The following FRRS1 variants were observed in gnomAD, a reference collection of about 807,000 sequenced individuals.
FRRS1 encodes ferric chelate reductase 1.
A neutral mutation model predicts 70.7 loss-of-function variants in FRRS1; 51 were observed. The ratio of observed to expected loss-of-function variants is 0.72; its 90% CI spans 0.58 to 0.91. FRRS1 has a LOEUF of 0.91. Ranked by LOEUF, FRRS1 falls within the 40% of genes least tolerant of loss-of-function variation. FRRS1 has a pLI of 0.00. For synonymous variants in FRRS1, 225 were observed against 238.7 expected (o/e 0.94, Z 0.53); for missense variants, 672 against 726.0 (o/e 0.93, Z 0.86).
At chr1:99,741,943 G>T (rs577105853) in intron 5 of FRRS1, among the ~76,000 whole-genome samples, 11 of 152,370 alleles carry the variant, frequency 7.2e-5, no homozygotes, top group African/African-American at 2.6e-4. Flanking sequence ...TCCTACATGT[G>T]TGAATGTCCA....
In FRRS1 at chr1:99,707,285, T is replaced by A. The variant is rs2100891116; in HGVS notation, c.*1743A>T. ...AAATTTTTGAAAAATATTAATAAAATAAAGATGTAGGCTACATAGCTGAGG... is the reference window on the plus strand; with the variant it reads ...AAATTTTTGAAAAATATTAATAAAAAAAAGATGTAGGCTACATAGCTGAGG... On this transcript the variant is annotated 3_prime_UTR_variant, in exon 17 of 17. Transcript: ENST00000646001. Among the ~76,000 whole-genome samples, 1 of 151,734 alleles carries A rather than the reference T, an allele frequency of 6.6e-6. No homozygotes were observed. The highest frequency in any genetic ancestry group is 2.1e-4 in the South Asian group (1 of 4,782).
chr1:99,757,229 T>C (rs1656881370), intron 1 of FRRS1, among the ~76,000 whole-genome samples: 1 of 152,154 alleles, frequency 6.6e-6, no homozygotes, highest in Admixed American at 6.6e-5. Context: ...TCCTATTTCT[T>C]CCTTTTTTTG....
chr1:99,719,654 A>G lies in FRRS1; in HGVS notation c.1007-7T>C. 1.4e-6 allele frequency: 2 copies of G among 1,405,972 alleles called. No homozygotes were observed. Among genetic ancestry groups the G allele is most frequent in the Non-Finnish European group, 2.0e-6 (2 of 993,710 alleles). 87.1% of individuals were successfully genotyped at this position (1,405,972 alleles called of 1,614,324 possible). On this transcript the variant is annotated splice_region_variant and splice_polypyrimidine_tract_variant and intron_variant, in intron 9 of 16. Transcript: ENST00000646001. ...GAGTGCTTGTAAATTCGACCTGCAA[A>G]TTAAAAACAAAATTAAACATGACAA...
At position 99,719,624 on chromosome 1, in the gene FRRS1, G is replaced by A; in HGVS notation, c.1030C>T (p.Gln344Ter). 6.2e-7 allele frequency: 1 copy of A among 1,603,508 alleles called. No homozygotes were observed. The highest frequency in any genetic ancestry group is 8.5e-7 in the Non-Finnish European group (1 of 1,171,592). The change falls in exon 10 of 17, where the codon CAA (glutamine) becomes TAA (stop). Residue 344 changes from glutamine to a stop codon, truncating the protein, a stop_gained. Coordinates refer to ENST00000646001, the MANE Select transcript of FRRS1 (RefSeq NM_001361041.2). LOFTEE classifies it high-confidence loss of function. ...TATTTTTCATAGGTAATCAAAGGTT[G>A]CTGAGAGTGCTTGTAAATTCGACCT... Reference protein sequence around the residue: ...NDGRIYKHSQQPLITYEKYDV... With the variant: ...NDGRIYKHSQ
chr1:99,747,526 T>C (rs979056316), intron 3 of FRRS1, 96 bp from the exon 4 acceptor site: 2 of 1,105,170 alleles, frequency 1.8e-6, no homozygotes, highest in Admixed American at 2.5e-5. Context: ...GGTCTACATA[T>C]GCAAAAGTAC....
intron 1 of FRRS1, among the ~76,000 whole-genome samples, chr1:99,763,868 CA>C (rs71744107): frequency 0.29 from 31,417 of 109,810 alleles, 6,860 homozygotes; most frequent in African/African-American, 0.62. Context: ...AACTCTGTCT[CA>C]AAAAAAAAAA....
rs1653987625 is a variant in FRRS1 at position 99,704,768 on chromosome 1, C to G, written c.*4260G>C. Among the ~76,000 whole-genome samples, 1 of 152,102 alleles carries G rather than the reference C, an allele frequency of 6.6e-6. No homozygotes were observed. The highest frequency in any genetic ancestry group is 1.9e-4 in the East Asian group (1 of 5,146). On this transcript the variant is annotated 3_prime_UTR_variant, in exon 17 of 17. Coordinates refer to ENST00000646001, the MANE Select transcript of FRRS1 (RefSeq NM_001361041.2). ...CCAGAGGAAGAGCACACGACAGATC[C>G]CAGCATGCCGACAGGCCACGACTGG... is the stretch of plus-strand genomic sequence containing the variant.
intron 9 of FRRS1, among the ~76,000 whole-genome samples, chr1:99,726,884 T>G (rs1315855655): frequency 1.3e-5 from 2 of 152,160 alleles, no homozygotes; most frequent in African/African-American, 4.8e-5. Flanking sequence ...TTTCTATTTT[T>G]TTGTTGTTGT....
chr1:99,733,241 G>T (rs1443111313), intron 7 of FRRS1, among the ~76,000 whole-genome samples: 1 of 152,168 alleles, frequency 6.6e-6, no homozygotes, highest in Non-Finnish European at 1.5e-5. Context: ...GAGGACTAAT[G>T]GCGGGTTACT....
chr1:99,715,288 T>C (rs948606040), intron 12 of FRRS1, among the ~76,000 whole-genome samples: 1 of 152,184 alleles, frequency 6.6e-6, no homozygotes, highest in African/African-American at 2.4e-5. Context: ...TCATGTTCCT[T>C]AGATATCACA....
At chr1:99,756,176 A>T (rs185403135) in intron 1 of FRRS1, among the ~76,000 whole-genome samples, 16 of 152,328 alleles carry the variant, frequency 1.1e-4, no homozygotes, top group Non-Finnish European at 1.9e-4. Flanking sequence ...TCAATTATGC[A>T]TGATTTTCTT....
intron 4 of FRRS1, among the ~76,000 whole-genome samples, chr1:99,746,552 T>G (rs1219872432): frequency 2.0e-5 from 3 of 152,054 alleles, no homozygotes; most frequent in Non-Finnish European, 4.4e-5. Context: ...TTCAAGAAAT[T>G]CAAGAGCTAA....
intron 1 of FRRS1, among the ~76,000 whole-genome samples, chr1:99,764,008 T>C (rs1657238752): frequency 6.6e-6 from 1 of 152,192 alleles, no homozygotes; most frequent in Non-Finnish European, 1.5e-5. Context: ...ATACCCAAAC[T>C]ATATAATACT....
chr1:99,760,456 T>A (rs1381032211), intron 1 of FRRS1, among the ~76,000 whole-genome samples: 1 of 152,192 alleles, frequency 6.6e-6, no homozygotes, highest in African/African-American at 2.4e-5. Flanking sequence ...ATAGGTCAAG[T>A]ATTTCCACTT....
chr1:99,745,700 C>T (rs1454622766), intron 4 of FRRS1, among the ~76,000 whole-genome samples: 1 of 89,218 alleles, frequency 1.1e-5, no homozygotes, highest in African/African-American at 8.3e-5. Context: ...AATAAGTGTT[C>T]TATTGATATT....
chr1:99,717,797 A>G (rs1483908234), intron 10 of FRRS1, among the ~76,000 whole-genome samples: 1 of 152,232 alleles, frequency 6.6e-6, no homozygotes, highest in African/African-American at 2.4e-5. Flanking sequence ...ATGATTATGA[A>G]TAGCAAAACT....
intron 10 of FRRS1, 33 bp downstream of exon 10, chr1:99,719,501 T>C (rs1379109570): frequency 8.9e-7 from 1 of 1,123,332 alleles, no homozygotes; most frequent in Non-Finnish European, 1.4e-6. Context: ...GCAGGTAAGT[T>C]GATTCCACAA....
At chr1:99,761,196 G>A (rs957671942) in intron 1 of FRRS1, among the ~76,000 whole-genome samples, 2 of 151,506 alleles carry the variant, frequency 1.3e-5, no homozygotes, top group East Asian at 2.0e-4. Flanking sequence ...GTGCAATCTC[G>A]GCTCACTACA....
At chr1:99,731,307 T>A (rs1655370077) in intron 7 of FRRS1, among the ~76,000 whole-genome samples, 1 of 152,236 alleles carries the variant, frequency 6.6e-6, no homozygotes, top group Admixed American at 6.5e-5. Context: ...ACTACCCAGT[T>A]ATAACAAATC....
Sources: gnomAD v4.1 joint callset for allele counts (sites outside exome capture counted in the v4.1 genomes callset) on GRCh38, gnomAD v4.1.1 for gene constraint, MANE v1.5 for transcripts, NCBI Gene and HGNC (gene_info 2026-07-23, HGNC 2026-07-21) for gene names.